The following RNF144A variants were observed in gnomAD, a reference collection of about 807,000 sequenced individuals.
RNF144A encodes E3 ubiquitin-protein ligase RNF144A.
In RNF144A, 11 loss-of-function variants were observed where a neutral mutation model predicts 38.7. The observed-to-expected ratio is 0.28, with a 90% confidence interval of 0.18 to 0.47. The LOEUF is 0.47. RNF144A is among the 20% of genes least tolerant of loss of function. The pLI is 0.99. For synonymous variants in RNF144A, 149 were observed against 143.9 expected, an observed-to-expected ratio of 1.04 and a Z score of -0.25; for missense variants, 316 against 377.2, an observed-to-expected ratio of 0.84 and a Z score of 1.34.
At chr2:7,068,369 T>A, downstream of RNF144A, 1 of 647,782 alleles carries the variant, frequency 1.5e-6, no homozygotes, top group Non-Finnish European at 2.5e-6. Flanking sequence ...GTGAAAATGG[T>A]GGTAGGATCT....
Position 7,039,624 on chromosome 2 carries a change from T to A in RNF144A, c.748-5T>A. The A allele has an allele frequency of 6.2e-7, 1 of 1,613,968 alleles. No homozygotes were observed. The highest frequency in any genetic ancestry group is 8.5e-7 in the Non-Finnish European group (1 of 1,179,930). ...TACCTCTACCCCTTTGTTTCTTTCTTCCAGGTTGTGGGCATTTTTGCAGGA... is the reference window on the plus strand; with the variant it reads ...TACCTCTACCCCTTTGTTTCTTTCTACCAGGTTGTGGGCATTTTTGCAGGA... On this transcript the variant is annotated splice_region_variant and splice_polypyrimidine_tract_variant and intron_variant, in intron 8 of 8. Transcript: ENST00000320892.
chr2:7,045,225 A>G (rs1673258260), downstream of RNF144A, among the ~76,000 whole-genome samples: 1 of 152,220 alleles, frequency 6.6e-6, no homozygotes, highest in Non-Finnish European at 1.5e-5. Context: ...GTGGGGGCAC[A>G]GTGTGCCGAA....
chr2:6,966,818 A>G (rs900969713), intron 2 of RNF144A, among the ~76,000 whole-genome samples: 3 of 152,190 alleles, frequency 2.0e-5, no homozygotes, highest in African/African-American at 7.2e-5. Context: ...TGTGCACTGA[A>G]GGCGATTCTT....
intron 2 of RNF144A, among the ~76,000 whole-genome samples, chr2:6,949,447 A>T (rs1434269316): frequency 1.7e-4 from 25 of 150,086 alleles, no homozygotes; most frequent in Non-Finnish European, 1.5e-5. Flanking sequence ...CTTCTGGTAG[A>T]ATAGAGAATA....
At position 6,944,332 on chromosome 2, in the gene RNF144A, C is replaced by T. The variant is rs539637679; in HGVS notation, c.-12+3185C>T. The stretch of plus-strand genomic sequence containing the variant: ...AGTGTTCCTCCCAAAGGCTCGGCTT[C>T]TCAGTCATCCTGTCTCACGTTTTCA... On this transcript the variant is annotated intron_variant, in intron 2 of 8. Transcript: ENST00000320892. This position sits in a 1 kb window ranked among gnomAD's most constrained non-coding sequence, Gnocchi z 4.7. 6.6e-6 allele frequency among the ~76,000 whole-genome samples: 1 copy of T among 152,262 alleles called. No homozygotes were observed. The highest frequency in any genetic ancestry group is 1.9e-4 in the East Asian group (1 of 5,174).
At chr2:6,938,169 G>A (rs769482676) in intron 1 of RNF144A, among the ~76,000 whole-genome samples, 3 of 151,802 alleles carry the variant, frequency 2.0e-5, no homozygotes, top group East Asian at 1.9e-4. Flanking sequence ...AAAACCTGGA[G>A]TAATCCAGAC....
intron 2 of RNF144A, among the ~76,000 whole-genome samples, chr2:6,950,874 T>A (rs902260953): frequency 6.6e-6 from 1 of 152,218 alleles, no homozygotes; most frequent in Non-Finnish European, 1.5e-5. Flanking sequence ...TGTATTTTTC[T>A]TATTGATTTG....
At chr2:6,952,204 C>T (rs1341282450) in intron 2 of RNF144A, among the ~76,000 whole-genome samples, 3 of 152,084 alleles carry the variant, frequency 2.0e-5, no homozygotes, top group Non-Finnish European at 4.4e-5. Flanking sequence ...GTTACGCTTA[C>T]AATATATTCC....
chr2:6,918,599 C>T (rs890542110), intron 1 of RNF144A: 1 of 151,134 alleles, frequency 6.6e-6, no homozygotes, highest in Non-Finnish European at 1.5e-5. Flanking sequence ...CCCCTCTCTA[C>T]TAAAAATACA....
At chr2:6,959,108 G>T (rs3772011) in intron 2 of RNF144A, among the ~76,000 whole-genome samples, 14,520 of 152,206 alleles carry the variant, frequency 0.095, 782 homozygotes, top group African/African-American at 0.12. Context: ...AGAGGACAGG[G>T]CCTCTGCATC....
chr2:6,929,791 T>C (rs1175657494), intron 1 of RNF144A, among the ~76,000 whole-genome samples: 2 of 152,266 alleles, frequency 1.3e-5, no homozygotes, highest in Admixed American at 6.5e-5. Context: ...ACTACCATTA[T>C]GTGATAATAA....
At chr2:7,014,848 G>T in intron 5 of RNF144A, 76 bp downstream of exon 5, 2 of 1,035,964 alleles carry the variant, frequency 1.9e-6, no homozygotes, top group South Asian at 2.6e-5. Context: ...GAGTTCTTTT[G>T]GTAGATATGG....
At chr2:7,000,341 CAGAG>C (rs1670020641) in intron 3 of RNF144A, among the ~76,000 whole-genome samples, 1 of 152,094 alleles carries the variant, frequency 6.6e-6, no homozygotes, top group Non-Finnish European at 1.5e-5. Context: ...GAGCACTGGC[CAGAG>C]AGAAAGGATT....
At chr2:6,929,311 C>T (rs1665069057) in intron 1 of RNF144A, among the ~76,000 whole-genome samples, 1 of 152,122 alleles carries the variant, frequency 6.6e-6, no homozygotes, top group African/African-American at 2.4e-5. Flanking sequence ...TTTATCTCTT[C>T]CCAGCTCTCC....
chr2:6,996,520 C>T (rs1669750170), intron 2 of RNF144A, among the ~76,000 whole-genome samples: 1 of 151,996 alleles, frequency 6.6e-6, no homozygotes, highest in African/African-American at 2.4e-5. Context: ...CTTGGCAGGT[C>T]GAGGTGGGGG....
At chr2:6,984,127 A>G (rs1293720076) in intron 2 of RNF144A, among the ~76,000 whole-genome samples, 1 of 151,578 alleles carries the variant, frequency 6.6e-6, no homozygotes, top group Non-Finnish European at 1.5e-5. Context: ...TCCCTGCCTC[A>G]TTTTTCCACT....
At position 6,941,834 on chromosome 2, in the gene RNF144A, A is replaced by G. The variant is rs1200451827; in HGVS notation, c.-12+687A>G. ...TGTAGACAGAAGGGCTGGTGGCTGC[A>G]GCATACGGACAGCTGGAGGAGCACC... On this transcript the variant is annotated intron_variant, in intron 2 of 8. Transcript: ENST00000320892. This position sits in a 1 kb window ranked among gnomAD's most constrained non-coding sequence, Gnocchi z 6.5. 6.6e-6 allele frequency among the ~76,000 whole-genome samples: 1 copy of G among 152,258 alleles called. No homozygotes were observed. Among genetic ancestry groups the G allele is most frequent in the Non-Finnish European group, 1.5e-5 (1 of 68,046 alleles).
chr2:7,074,624 A>G, the RNF144A span: 3 of 152,350 alleles, frequency 2.0e-5, no homozygotes, highest in Non-Finnish European at 4.4e-5. Context: ...GTTAAAACTC[A>G]TATGTCTGTC....
intron 6 of RNF144A, among the ~76,000 whole-genome samples, chr2:7,059,801 A>G (rs1419411164): frequency 1.3e-5 from 2 of 152,212 alleles, no homozygotes; most frequent in Admixed American, 1.3e-4. Context: ...AACTCAGAGG[A>G]GAAAGGGTGA....
Sources: allele counts gnomAD v4.1 joint callset (sites outside exome capture counted in the v4.1 genomes callset), GRCh38; gene constraint gnomAD v4.1.1; non-coding constraint Gnocchi (gnomAD v3.1); transcripts MANE v1.5; gene names NCBI Gene and HGNC (gene_info 2026-07-23, HGNC 2026-07-21).